LRP6: variants seen among roughly 807,000 people sequenced by gnomAD.
LRP6 encodes low-density lipoprotein receptor-related protein 6.
A neutral mutation model predicts 184.1 loss-of-function variants in LRP6; 43 were observed. The observed-to-expected ratio is 0.23, with a 90% confidence interval of 0.18 to 0.30. The LOEUF is 0.30. LRP6 is among the 10% of genes least tolerant of loss of function. The probability of loss-of-function intolerance (pLI) is 1.00; values close to 1 mark genes in which losing one functional copy is unlikely to be tolerated. For synonymous variants in LRP6, 719 were observed against 684.9 expected (o/e 1.05, Z -0.78); for missense variants, 1,571 against 2,005.3 (o/e 0.78, Z 4.14).
At chr12:12,222,697 A>C (rs1591962033) in intron 2 of LRP6, among the ~76,000 whole-genome samples, 2 of 152,148 alleles carry the variant, frequency 1.3e-5, no homozygotes, top group East Asian at 3.8e-4. Flanking sequence ...TCCTATATAT[A>C]CATACTTATG....
At chr12:12,209,909 A>G (rs1263135145) in intron 2 of LRP6, among the ~76,000 whole-genome samples, 2 of 152,206 alleles carry the variant, frequency 1.3e-5, no homozygotes, top group South Asian at 2.1e-4. Flanking sequence ...GTGACACCCA[A>G]TCAAGTCAAT....
intron 13 of LRP6, 39 bp from the exon 14 acceptor site, chr12:12,149,192 G>A (rs759294130): frequency 1.3e-6 from 2 of 1,535,998 alleles, no homozygotes; most frequent in South Asian, 1.1e-5. Flanking sequence ...TTAAACTCCA[G>A]GGGCAGATAA....
intron 1 of LRP6, among the ~76,000 whole-genome samples, chr12:12,252,502 G>C (rs1427400721): frequency 1.3e-5 from 2 of 152,182 alleles, no homozygotes; most frequent in African/African-American, 4.8e-5. Flanking sequence ...TATTAATAGG[G>C]ATATTTTGGA....
chr12:12,220,459 C>A (rs1465057684), intron 2 of LRP6, among the ~76,000 whole-genome samples: 2 of 152,252 alleles, frequency 1.3e-5, no homozygotes, highest in South Asian at 2.1e-4. Context: ...GCACACTGTT[C>A]CTGCACAAGA....
chr12:12,241,125 G>C (rs531630367), intron 2 of LRP6, among the ~76,000 whole-genome samples: 3 of 152,236 alleles, frequency 2.0e-5, no homozygotes, highest in Non-Finnish European at 2.9e-5. Flanking sequence ...CTAGTTCCCA[G>C]GGCTCAAACA....
intron 4 of LRP6, among the ~76,000 whole-genome samples, chr12:12,184,639 A>G (rs776782515): frequency 1.3e-5 from 2 of 152,334 alleles, no homozygotes; most frequent in African/African-American, 4.8e-5. Flanking sequence ...GGTGAACAGT[A>G]TAACTGGAGG....
At chr12:12,199,389 T>C (rs1863855195) in intron 3 of LRP6, among the ~76,000 whole-genome samples, 1 of 152,110 alleles carries the variant, frequency 6.6e-6, no homozygotes, top group South Asian at 2.1e-4. Context: ...AAAGGTAAGA[T>C]AGGAAAAAAG....
intron 2 of LRP6, among the ~76,000 whole-genome samples, chr12:12,240,320 T>C (rs1865031303): frequency 6.6e-6 from 1 of 152,198 alleles, no homozygotes; most frequent in Admixed American, 6.5e-5. Flanking sequence ...ACGCCTGTAA[T>C]GCCAGCACTT....
chr12:12,245,996 CT>C (rs71061029), intron 1 of LRP6, among the ~76,000 whole-genome samples: 27,706 of 89,934 alleles, frequency 0.31, 2,738 homozygotes, highest in East Asian at 0.52. Context: ...TTTATATAAA[CT>C]TTTTTTTTTT....
intron 5 of LRP6, 92 bp downstream of exon 5, chr12:12,183,888 C>A (rs1312489459): frequency 9.6e-6 from 11 of 1,143,790 alleles, no homozygotes; most frequent in Non-Finnish European, 1.2e-5. Flanking sequence ...TCTCCCAAAG[C>A]AGTATAACCT....
chr12:12,129,561 C>CTTTTTTTTTTTTTTTTTTTTTTTTTT (rs558494694), intron 19 of LRP6, among the ~76,000 whole-genome samples: 1 of 150,298 alleles, frequency 6.7e-6, no homozygotes. Context: ...TCTTTTTTTT[C>CTTTTTTTTTTTTTTTTTTTTTTTTTT]TTTTTTTTTG....
chr12:12,146,627 C>T (rs948745450), intron 15 of LRP6, among the ~76,000 whole-genome samples: 1 of 152,222 alleles, frequency 6.6e-6, no homozygotes, highest in Non-Finnish European at 1.5e-5. Context: ...TGAATACTAA[C>T]TTATACCAAC....
At chr12:12,187,363 A>C (rs1213427471) in intron 3 of LRP6, 2 of 519,832 alleles carry the variant, frequency 3.8e-6, no homozygotes, top group East Asian at 7.1e-5. Context: ...AGCAGCCTCA[A>C]GTTCAGTACA....
At chr12:12,257,584 G>GAAA (rs369886658) in intron 1 of LRP6, among the ~76,000 whole-genome samples, 1 of 62,506 alleles carries the variant, frequency 1.6e-5, no homozygotes, top group African/African-American at 5.5e-5. Flanking sequence ...CCCTCTCAAG[G>GAAA]AAAAAAAAAA....
Position 12,210,042 on chromosome 12 carries a change from A to G in LRP6, c.450-6642T>C, listed in dbSNP as rs563945934. On this transcript the variant is annotated intron_variant, in intron 2 of 22. Coordinates refer to ENST00000261349, the MANE Select transcript of LRP6 (RefSeq NM_002336.3). ...CATATGAAGTCATGATATATTCAATAAACAGCAAGAAGATCCATAGAGCTG... is the reference window on the plus strand; with the variant it reads ...CATATGAAGTCATGATATATTCAATGAACAGCAAGAAGATCCATAGAGCTG... 3.9e-5 allele frequency among the ~76,000 whole-genome samples: 6 copies of G among 152,318 alleles called. No homozygotes were observed. The South Asian group carries it at 1.2e-3, about 32-fold the overall frequency.
At chr12:12,218,370 A>G (rs998354922) in intron 2 of LRP6, among the ~76,000 whole-genome samples, 8 of 151,942 alleles carry the variant, frequency 5.3e-5, no homozygotes, top group Middle Eastern at 3.4e-3. Context: ...CCAGCTACTC[A>G]GGAGGCTAAA....
chr12:12,235,938 G>C (rs561716007), intron 2 of LRP6, among the ~76,000 whole-genome samples: 1 of 151,968 alleles, frequency 6.6e-6, no homozygotes, highest in South Asian at 2.1e-4. Flanking sequence ...AAAAAACAAT[G>C]AGGGCGGCTG....
At chr12:12,161,516 C>T (rs555740884) in intron 10 of LRP6, among the ~76,000 whole-genome samples, 10 of 152,242 alleles carry the variant, frequency 6.6e-5, no homozygotes, top group Non-Finnish European at 8.8e-5. Flanking sequence ...GATCTGCCCA[C>T]GCCTCGGCCT....
intron 22 of LRP6, among the ~76,000 whole-genome samples, chr12:12,122,737 CAGG>C (rs1949621606): frequency 6.6e-6 from 1 of 152,128 alleles, no homozygotes; most frequent in African/African-American, 2.4e-5. Context: ...GTGGCTGAAG[CAGG>C]AGGACTGCTT....
Sources: allele counts gnomAD v4.1 joint callset (sites outside exome capture counted in the v4.1 genomes callset), GRCh38; gene constraint gnomAD v4.1.1; transcripts MANE v1.5; gene names NCBI Gene and HGNC (gene_info 2026-07-23, HGNC 2026-07-21).